The following FAM135A variants were observed in gnomAD, a reference collection of about 807,000 sequenced individuals.
FAM135A encodes the protein family with sequence similarity 135 member A.
Under a neutral mutation model 146.8 loss-of-function variants are expected in FAM135A, and 79 were observed. The ratio of observed to expected loss-of-function variants is 0.54; its 90% CI spans 0.45 to 0.65. The LOEUF (loss-of-function observed/expected upper bound fraction) is 0.65, where lower values mean the gene tolerates loss of function less well. FAM135A is among the 30% of genes least tolerant of loss of function. The pLI is 0.00. For synonymous variants in FAM135A, 562 were observed against 603.6 expected, an observed-to-expected ratio of 0.93 and a Z score of 1.01; for missense variants, 1,623 against 1,758.2, an observed-to-expected ratio of 0.92 and a Z score of 1.38.
intron 5 of FAM135A, among the ~76,000 whole-genome samples, chr6:70,454,310 C>T (rs112823113): frequency 0.13 from 19,828 of 152,104 alleles, 1,536 homozygotes; most frequent in Middle Eastern, 0.19. Context: ...GATATTAGCC[C>T]TTTGTCAGAT....
intron 2 of FAM135A, among the ~76,000 whole-genome samples, chr6:70,420,000 G>A (rs543303035): frequency 1.3e-5 from 2 of 152,200 alleles, no homozygotes; most frequent in Admixed American, 1.3e-4. Flanking sequence ...GGCGACTTTT[G>A]CCTTATGTGG....
intron 2 of FAM135A, among the ~76,000 whole-genome samples, chr6:70,424,595 C>A (rs1179664184): frequency 6.6e-6 from 1 of 152,106 alleles, no homozygotes; most frequent in Admixed American, 6.5e-5. Flanking sequence ...GAGCTGGATC[C>A]CTTTGTTTTG....
chr6:70,505,022 G>A (rs1355109989), intron 12 of FAM135A: 1 of 151,082 alleles, frequency 6.6e-6, no homozygotes, highest in Non-Finnish European at 1.5e-5. Flanking sequence ...TCACAAATTA[G>A]CATTTTGGTA....
chr6:70,417,909 T>C (rs1287894825), intron 2 of FAM135A, among the ~76,000 whole-genome samples: 1 of 152,246 alleles, frequency 6.6e-6, no homozygotes, highest in African/African-American at 2.4e-5. Flanking sequence ...GAGAAACATA[T>C]AGCTTTTTAA....
chr6:70,559,731 A>C lies in FAM135A; in HGVS notation c.4358A>C (p.Glu1453Ala). 6.2e-7 allele frequency: 1 copy of C among 1,614,098 alleles called. No individual in the cohort carries two copies. The highest frequency in any genetic ancestry group is 8.5e-7 in the Non-Finnish European group (1 of 1,179,992). Residue 1453 changes from glutamate to alanine, a missense_variant, in exon 22 of 22, where the codon GAA becomes GCA. Glu to Ala is a moderately radical substitution (Grantham distance 107). Transcript: ENST00000418814. ...GGTTCCATAGGACAGATCTATTCAG[A>C]AATGATCCACAACTTGCTTCGACCC... Reference protein sequence around the residue: ...KDKQSGQIYSEMIHNLLRPVL... With the variant: ...KDKQSGQIYSAMIHNLLRPVL...
chr6:70,448,132 C>T (rs1776238426), intron 4 of FAM135A, among the ~76,000 whole-genome samples: 1 of 152,138 alleles, frequency 6.6e-6, no homozygotes, highest in South Asian at 2.1e-4. Context: ...ATTCAAGGCG[C>T]TGCTTGAACA....
chr6:70,437,946 T>G (rs1419671898), intron 4 of FAM135A, among the ~76,000 whole-genome samples: 1 of 152,138 alleles, frequency 6.6e-6, no homozygotes, highest in Non-Finnish European at 1.5e-5. Flanking sequence ...AAGAAAAAAT[T>G]TTTAATCATT....
At chr6:70,533,063 C>T (rs1306782222) in intron 16 of FAM135A, 97 bp from the exon 17 acceptor site, 2 of 897,018 alleles carry the variant, frequency 2.2e-6, no homozygotes, top group Non-Finnish European at 3.6e-6. Context: ...ATGGCATAGG[C>T]CATAAGCTTG....
At chr6:70,508,576 C>T (rs1443121745) in intron 12 of FAM135A, among the ~76,000 whole-genome samples, 1 of 152,138 alleles carries the variant, frequency 6.6e-6, no homozygotes, top group African/African-American at 2.4e-5. Flanking sequence ...AGATTTTGTG[C>T]TTTGTGCTAG....
At position 70,447,800 on chromosome 6, in the gene FAM135A, T is replaced by TTTCTACA. The variant is rs544362235; in HGVS notation, c.78-4687_78-4681dup. On this transcript the variant is annotated intron_variant, in intron 4 of 21. Transcript: ENST00000418814. ...ATCTGGCAGCCTGACTCGCTGATTT[T>TTTCTACA]TTCTACATTCTTTTTTAGTATGCCC... 2.7e-3 allele frequency among the ~76,000 whole-genome samples: 404 copies of TTTCTACA among 152,350 alleles called. 2 individuals are homozygous for TTTCTACA. Among genetic ancestry groups the TTTCTACA allele is most frequent in the African/African-American group, 9.3e-3 (388 of 41,578 alleles).
At chr6:70,519,801 G>A (rs988150128) in intron 12 of FAM135A, among the ~76,000 whole-genome samples, 1 of 152,148 alleles carries the variant, frequency 6.6e-6, no homozygotes, top group Non-Finnish European at 1.5e-5. Context: ...AAAAATTCAT[G>A]TGACTTGCTT....
intron 11 of FAM135A, among the ~76,000 whole-genome samples, chr6:70,491,497 A>G (rs1287698273): frequency 6.6e-6 from 1 of 151,914 alleles, no homozygotes; most frequent in East Asian, 1.9e-4. Flanking sequence ...AATTAAATTG[A>G]ATATATTTGC....
chr6:70,454,814 G>T (rs1481225898), intron 5 of FAM135A, among the ~76,000 whole-genome samples: 1 of 152,124 alleles, frequency 6.6e-6, no homozygotes, highest in Non-Finnish European at 1.5e-5. Flanking sequence ...CCAGTACCAT[G>T]CTGTGTTGGT....
chr6:70,435,521 G>GT (rs982060121), intron 4 of FAM135A, among the ~76,000 whole-genome samples: 10 of 151,392 alleles, frequency 6.6e-5, no homozygotes, highest in African/African-American at 2.2e-4. Flanking sequence ...TTTTTTGTTT[G>GT]TTTTTTGTTT....
Position 70,450,716 on chromosome 6 carries a change from G to GTTTTTTTTTT in FAM135A, c.78-1743_78-1734dup, listed in dbSNP as rs546674936. On this transcript the variant is annotated intron_variant, in intron 4 of 21. Coordinates refer to ENST00000418814, the MANE Select transcript of FAM135A (RefSeq NM_001162529.3). ...CTCAGGGAGTGTGACCCTTTTAGTT[G>GTTTTTTTTTT]TTTTTTTTTTTTTTTTTTTTTTTTT... Among the ~76,000 whole-genome samples the GTTTTTTTTTT allele has an allele frequency of 1.1e-3, 31 of 28,348 alleles. 10 individuals carry two copies. The highest frequency in any genetic ancestry group is 3.1e-3 in the East Asian group (2 of 640). The allele number at this position is 28,348 out of a possible 152,430, so 18.6% of individuals were successfully genotyped here. A position where few individuals can be genotyped will look rare whatever the true frequency, so the allele number is the denominator to read the frequency against.
intron 20 of FAM135A, among the ~76,000 whole-genome samples, chr6:70,556,355 T>G (rs568374712): frequency 2.0e-5 from 3 of 152,192 alleles, no homozygotes; most frequent in Non-Finnish European, 4.4e-5. Context: ...GTGAGGTGTT[T>G]TGTTTGTTTT....
At chr6:70,548,053 G>C (rs1039611365) in intron 20 of FAM135A, among the ~76,000 whole-genome samples, 1 of 152,132 alleles carries the variant, frequency 6.6e-6, no homozygotes, top group African/African-American at 2.4e-5. Context: ...TCCCAAAATA[G>C]ACTTCAGACA....
intron 20 of FAM135A, among the ~76,000 whole-genome samples, chr6:70,540,035 T>C (rs1374193156): frequency 6.6e-6 from 1 of 152,082 alleles, no homozygotes; most frequent in Non-Finnish European, 1.5e-5. Flanking sequence ...GTAACATGAT[T>C]ATGTTTGGGA....
rs1788844877 is a variant in FAM135A, at chr6:70,502,702, T to C, written c.940T>C (p.Leu314=). ...NMNLAQLCSL[L]MALWGQFLEV... The stretch of plus-strand genomic sequence containing the variant: ...GAATCTTGCGCAACTTTGCTCACTT[T>C]TGATGGCTTTATGGGGACAGTTTCT... Residue 314 remains leucine (L), a synonymous_variant, in exon 12 of 22, where the codon TTG becomes CTG. Coordinates refer to ENST00000418814, the MANE Select transcript of FAM135A (RefSeq NM_001162529.3). 12 of 1,613,418 alleles carry C rather than the reference T, an allele frequency of 7.4e-6. No homozygotes were observed. Among genetic ancestry groups the C allele is most frequent in the Non-Finnish European group, 8.5e-6 (10 of 1,179,706 alleles).
Sources: allele counts gnomAD v4.1 joint callset (sites outside exome capture counted in the v4.1 genomes callset), GRCh38; gene constraint gnomAD v4.1.1; transcripts MANE v1.5; gene names NCBI Gene and HGNC (gene_info 2026-07-23, HGNC 2026-07-21).